Variants in RPGRIP1 observed in about 807,000 individuals in gnomAD.
The protein encoded by RPGRIP1 is RPGR interacting protein 1.
RPGRIP1 carries 128 observed loss-of-function variants against 157.9 expected under a neutral mutation model. The ratio of observed to expected loss-of-function variants is 0.81; its 90% CI spans 0.70 to 0.94. The LOEUF (loss-of-function observed/expected upper bound fraction) is 0.94. Ranked by LOEUF, RPGRIP1 falls within the 40% of genes least tolerant of loss-of-function variation. The pLI, the probability that RPGRIP1 is intolerant of heterozygous loss-of-function variation, is 0.00. For synonymous variants in RPGRIP1, 554 were observed against 571.6 expected, an observed-to-expected ratio of 0.97 and a Z score of 0.44; for missense variants, 1,486 against 1,545.8, an observed-to-expected ratio of 0.96 and a Z score of 0.65.
chr14:21,332,158 C>T (rs942255574), intron 20 of RPGRIP1, among the ~76,000 whole-genome samples: 1 of 151,962 alleles, frequency 6.6e-6, no homozygotes, highest in Non-Finnish European at 1.5e-5. Context: ...AGGCTGGTCT[C>T]GAACTCTTGA....
chr14:21,347,203 C>G (rs531766650), intron 23 of RPGRIP1, among the ~76,000 whole-genome samples: 55 of 152,326 alleles, frequency 3.6e-4, no homozygotes, highest in African/African-American at 1.1e-3. Flanking sequence ...ACAGAGCAGG[C>G]TTTGTAATCA....
intron 7 of RPGRIP1, among the ~76,000 whole-genome samples, chr14:21,308,428 C>T (rs1881405779): frequency 8.6e-6 from 1 of 116,454 alleles, no homozygotes; most frequent in Non-Finnish European, 1.8e-5. Flanking sequence ...TACAAAGATT[C>T]CAAGGGTAAG....
intron 24 of RPGRIP1, among the ~76,000 whole-genome samples, chr14:21,350,248 G>C (rs781524490): frequency 6.6e-6 from 1 of 151,818 alleles, no homozygotes; most frequent in Non-Finnish European, 1.5e-5. Flanking sequence ...GCATGGCGGC[G>C]GACACCTGTA....
rs760570560 is a variant in RPGRIP1 at position 21,343,197 on chromosome 14, A to C, written c.3501A>C (p.Ala1167=). The C allele has an allele frequency of 1.9e-6, 3 of 1,612,796 alleles. No individual in the cohort carries two copies. The highest frequency in any genetic ancestry group is 2.5e-6 in the Non-Finnish European group (3 of 1,179,440). Residue 1167 remains alanine, a synonymous_variant, in exon 22 of 25, where the codon GCA becomes GCC. Transcript: ENST00000400017. ...ETPVSLRKPR[A]GEEIHFHFSK... is the part of the protein sequence containing the mutation. ...CAGTGTCCCTAAGGAAGCCTAGGGC[A>C]GGAGAAGAAATCCACTTTCACTTTA...
intron 3 of RPGRIP1, among the ~76,000 whole-genome samples, chr14:21,299,906 C>T (rs1213721079): frequency 1.3e-5 from 2 of 152,190 alleles, no homozygotes; most frequent in African/African-American, 4.8e-5. Flanking sequence ...GCTGCTTTCT[C>T]ACTGTGTCTT....
At chr14:21,330,008 C>A (rs999764377) in intron 19 of RPGRIP1, among the ~76,000 whole-genome samples, 8 of 151,266 alleles carry the variant, frequency 5.3e-5, no homozygotes, top group Admixed American at 4.6e-4. Context: ...ATCCCAGCTA[C>A]TCAGGAGGCT....
At chr14:21,344,073 C>T (rs1480732911) in intron 22 of RPGRIP1, among the ~76,000 whole-genome samples, 1 of 151,514 alleles carries the variant, frequency 6.6e-6, no homozygotes, top group Non-Finnish European at 1.5e-5. Flanking sequence ...CTTTAGACTT[C>T]CTATCTCGGA....
In RPGRIP1 at chr14:21,317,681, G is replaced by T; in HGVS notation, c.1152-15G>T. 1 of 1,574,366 alleles carries T rather than the reference G, an allele frequency of 6.4e-7. No individual in the cohort carries two copies. Among genetic ancestry groups the T allele is most frequent in the East Asian group, 2.3e-5 (1 of 42,828 alleles). On this transcript the variant is annotated splice_polypyrimidine_tract_variant and intron_variant, in intron 10 of 24. Transcript: ENST00000400017. The stretch of plus-strand genomic sequence containing the variant: ...CCTTGGGGTATCCATCTGAGAGCTT[G>T]CTTTCCATTGCCAGCATGCTGGACA...
chr14:21,316,439 C>T (rs912493139), intron 10 of RPGRIP1, among the ~76,000 whole-genome samples: 30 of 152,080 alleles, frequency 2.0e-4, no homozygotes, highest in African/African-American at 5.3e-4. Flanking sequence ...TTTCTTGAGA[C>T]GGAATCTCAC....
intron 1 of RPGRIP1, among the ~76,000 whole-genome samples, chr14:21,285,889 G>T (rs1177288839): frequency 6.6e-6 from 1 of 152,000 alleles, no homozygotes; most frequent in Non-Finnish European, 1.5e-5. Context: ...AAGGGAGGAT[G>T]GGAGAGGAAA....
rs281865293 is a variant in RPGRIP1, at chr14:21,351,187, AAGG to A, written c.3835_3837del (p.Glu1279del). ...AGCTGCTGTCCTCCATGCTATTTAC[AAGG>A]AGATGACTGAAGATTTGTTTTCATG... is the stretch of plus-strand genomic sequence containing the variant. On this transcript the variant is annotated inframe_deletion, in exon 25 of 25. Coordinates refer to ENST00000400017, the MANE Select transcript of RPGRIP1 (RefSeq NM_020366.4). The A allele has an allele frequency of 2.3e-4, 366 of 1,610,384 alleles. No individual in the cohort carries two copies. Among genetic ancestry groups the A allele is most frequent in the Middle Eastern group, 3.3e-4 (2 of 6,054 alleles).
chr14:21,285,027 C>T lies in RPGRIP1; in HGVS notation c.-38-2912C>T, dbSNP rs527281450. 1.5e-3 allele frequency among the ~76,000 whole-genome samples: 218 copies of T among 150,300 alleles called. 5 individuals are homozygous for T. The highest frequency in any genetic ancestry group is 6.8e-3 in the Middle Eastern group (2 of 294). On this transcript the variant is annotated intron_variant, in intron 1 of 24. Coordinates refer to ENST00000400017, the MANE Select transcript of RPGRIP1 (RefSeq NM_020366.4). ...TACCTGCTATGTGCCAATAACTGTT[C>T]GGGTACTGCATCTATAGAGGTAAAC...
At chr14:21,350,041 A>T (rs1886037427) in intron 24 of RPGRIP1, among the ~76,000 whole-genome samples, 1 of 152,156 alleles carries the variant, frequency 6.6e-6, no homozygotes, top group Non-Finnish European at 1.5e-5. Context: ...GTAAATCACA[A>T]GGAAATTTGA....
chr14:21,283,512 A>T (rs1236289006), intron 1 of RPGRIP1, among the ~76,000 whole-genome samples: 2 of 152,056 alleles, frequency 1.3e-5, no homozygotes, highest in East Asian at 3.9e-4. Context: ...CATGTTAGCC[A>T]GGCTGGTCTC....
At chr14:21,308,486 A>T (rs1881409764) in intron 7 of RPGRIP1, among the ~76,000 whole-genome samples, 1 of 152,200 alleles carries the variant, frequency 6.6e-6, no homozygotes, top group Non-Finnish European at 1.5e-5. Context: ...GAAAACAAGT[A>T]AACAAATTCA....
Position 21,288,072 on chromosome 14 carries a change from C to A in RPGRIP1, c.85+11C>A. 6.4e-7 allele frequency: 1 copy of A among 1,571,620 alleles called. No homozygotes were observed. The highest frequency in any genetic ancestry group is 1.1e-5 in the South Asian group (1 of 90,190). On this transcript the variant is annotated intron_variant, in intron 2 of 24. Transcript: ENST00000400017. ...TACCAGCCTCAAAAGGTAACTTCTA[C>A]GCCTGAGGATGGACACCTTTTAGAA...
chr14:21,345,445 A>G (rs1023815300), intron 23 of RPGRIP1, among the ~76,000 whole-genome samples: 15 of 152,048 alleles, frequency 9.9e-5, no homozygotes, highest in Non-Finnish European at 1.9e-4. Context: ...TCTGTCGTCC[A>G]GGCTAGAGTG....
Position 21,325,968 on chromosome 14 carries a change from C to T in RPGRIP1, c.2505C>T (p.Asp835=). 1 of 1,614,008 alleles carries T rather than the reference C, an allele frequency of 6.2e-7. No homozygotes were observed. Among genetic ancestry groups the T allele is most frequent in the Non-Finnish European group, 8.5e-7 (1 of 1,179,884 alleles). ...VYRFFTFSDH[D]TAIIPASNNP... ...GCTTCTTCACCTTTTCTGACCATGA[C>T]ACTGCCATCATTCCAGCCAGTAACA... is the stretch of plus-strand genomic sequence containing the variant. The change falls in exon 17 of 25, where the codon GAC becomes GAT. Residue 835 remains aspartate, a synonymous_variant. Coordinates refer to ENST00000400017, the MANE Select transcript of RPGRIP1 (RefSeq NM_020366.4).
chr14:21,320,005 A>G lies in RPGRIP1; in HGVS notation c.1307-12A>G. ...CTACAGAATTTCACATTTCTGGATT[A>G]TTTTTCCCCAGCCCAAAATGAGGAT... On this transcript the variant is annotated splice_polypyrimidine_tract_variant and intron_variant, in intron 11 of 24. Transcript: ENST00000400017. 1 of 1,604,500 alleles carries G rather than the reference A, an allele frequency of 6.2e-7. No individual in the cohort carries two copies. Among genetic ancestry groups the G allele is most frequent in the Non-Finnish European group, 8.5e-7 (1 of 1,175,242 alleles).
Sources: gnomAD v4.1 joint callset for allele counts (sites outside exome capture counted in the v4.1 genomes callset) on GRCh38, gnomAD v4.1.1 for gene constraint, MANE v1.5 for transcripts, NCBI Gene and HGNC (gene_info 2026-07-23, HGNC 2026-07-21) for gene names.